The following MEPE variants were observed in gnomAD, a reference collection of about 807,000 sequenced individuals.
MEPE encodes matrix, extracellular phosphoglycoprotein with ASARM motif (bone).
A neutral mutation model predicts 7.3 loss-of-function variants in MEPE; 7 were observed. The ratio of observed to expected loss-of-function variants is 0.95; its 90% CI spans 0.54 to 1.79. The LOEUF (loss-of-function observed/expected upper bound fraction) is 1.79, where lower values mean the gene tolerates loss of function less well. MEPE is among the 40% of genes most tolerant of loss of function. The pLI is 0.00. For synonymous variants in MEPE, 214 were observed against 213.1 expected (o/e 1.00, Z -0.04); for missense variants, 623 against 628.2 (o/e 0.99, Z 0.09).
chr4:87,832,822 C>T (rs1722632343), upstream of MEPE: 1 of 152,192 alleles, frequency 6.6e-6, no homozygotes, highest in Non-Finnish European at 1.5e-5. Context: ...ACCACAAACA[C>T]ATTTTTAGAT....
At chr4:87,836,741 T>C (rs1313936691) in intron 2 of MEPE, among the ~76,000 whole-genome samples, 1 of 152,226 alleles carries the variant, frequency 6.6e-6, no homozygotes, top group African/African-American at 2.4e-5. Flanking sequence ...AAATTTATTA[T>C]TTTAACCCTG....
intron 1 of MEPE, among the ~76,000 whole-genome samples, chr4:87,833,742 G>A (rs1002829174): frequency 2.6e-5 from 4 of 151,824 alleles, no homozygotes; most frequent in African/African-American, 9.7e-5. Context: ...AGTTCCTGTT[G>A]GTATATTTAC....
chr4:87,844,945 A>G, intron 3 of MEPE, 32 bp from the exon 4 acceptor site: 1 of 1,440,276 alleles, frequency 6.9e-7, no homozygotes, highest in Non-Finnish European at 9.3e-7. Flanking sequence ...TTTACATAAA[A>G]TAATCACTTC....
rs780040273 is a variant in MEPE, at chr4:87,846,396, A to C, written c.1528A>C (p.Ser510Arg). Reference protein sequence around the residue: ...RRFSSRRRDDSSESSDSGSSS... With the variant: ...RRFSSRRRDDRSESSDSGSSS... ...GTTTAGTTCCCGTAGAAGGGATGAC[A>C]GTAGTGAGTCATCTGACAGTGGCAG... The change falls in exon 4 of 4, where the codon AGT becomes CGT. Residue 510 changes from serine to arginine, a missense_variant. Transcript: ENST00000361056. 5 of 1,614,018 alleles carry C rather than the reference A, an allele frequency of 3.1e-6. No individual in the cohort carries two copies. In the Admixed American group the frequency reaches 8.3e-5, roughly 27 times the overall value.
chr4:87,845,368 A>G lies in MEPE; in HGVS notation c.500A>G (p.Glu167Gly). The G allele has an allele frequency of 6.2e-7, 1 of 1,613,990 alleles. No homozygotes were observed. Among genetic ancestry groups the G allele is most frequent in the Non-Finnish European group, 8.5e-7 (1 of 1,179,946 alleles). ...PVTAIKLLGE[E>G]NKENTPRNVL... ...ACTGCGATTAAACTCCTGGGGGAAG[A>G]AAACAAAGAGAACACACCTAGGAAT... The change falls in exon 4 of 4, where the codon GAA (glutamate) becomes GGA (glycine). Residue 167 changes from glutamate to glycine, a missense_variant. By Grantham distance (98) the Glu-to-Gly change is moderately conservative. Transcript: ENST00000361056.
rs554874014 is a variant in MEPE, at chr4:87,824,127, C to G, written c.-13+2656C>G. Among the ~76,000 whole-genome samples the G allele has an allele frequency of 4.9e-4, 74 of 152,248 alleles. No individual in the cohort carries two copies. The South Asian group carries it at 0.015, about 31-fold the overall frequency. On this transcript the variant is annotated intron_variant, in intron 1 of 3. Coordinates refer to the MEPE transcript ENST00000424957. Reference sequence around the variant, plus strand: ...TTTTAAAATATAAATTCTGCCCTCACTATTTTAATAAGGGGTCAGCAAGCT... The same window carrying G: ...TTTTAAAATATAAATTCTGCCCTCAGTATTTTAATAAGGGGTCAGCAAGCT...
At chr4:87,827,848 C>T (rs565118468) in intron 1 of MEPE, among the ~76,000 whole-genome samples, 50 of 152,288 alleles carry the variant, frequency 3.3e-4, no homozygotes, top group African/African-American at 1.2e-3. Flanking sequence ...TGCTGTGACC[C>T]TCCATGATTC....
In MEPE at chr4:87,846,408, T is replaced by C; in HGVS notation, c.1540T>C (p.Ser514Pro). 2 of 1,613,920 alleles carry C rather than the reference T, an allele frequency of 1.2e-6. No individual in the cohort carries two copies. The highest frequency in any genetic ancestry group is 1.7e-6 in the Non-Finnish European group (2 of 1,179,878). ...TAGAAGGGATGACAGTAGTGAGTCA[T>C]CTGACAGTGGCAGTTCAAGTGAGAG... ...SRRRDDSSES[S>P]DSGSSSESDG... Residue 514 changes from serine (S) to proline (P), a missense_variant, in exon 4 of 4, where the codon TCT becomes CCT. Transcript: ENST00000361056.
At chr4:87,830,486 C>G (rs1722570690), upstream of MEPE, among the ~76,000 whole-genome samples, 1 of 152,056 alleles carries the variant, frequency 6.6e-6, no homozygotes, top group Non-Finnish European at 1.5e-5. Context: ...GAACAGAAAA[C>G]CAAATACCAC....
At chr4:87,841,440 T>TA (rs1391102719) in intron 3 of MEPE, among the ~76,000 whole-genome samples, 1 of 152,164 alleles carries the variant, frequency 6.6e-6, no homozygotes, top group Non-Finnish European at 1.5e-5. Flanking sequence ...CCACCAATAT[T>TA]AAAAAATTAA....
chr4:87,839,816 A>T, intron 3 of MEPE: 1 of 1,544,738 alleles, frequency 6.5e-7, no homozygotes, highest in Non-Finnish European at 8.8e-7. Context: ...CAGCATGACT[A>T]AACTCTGGAC....
At chr4:87,822,565 T>C (rs1297057445) in intron 1 of MEPE, among the ~76,000 whole-genome samples, 1 of 152,158 alleles carries the variant, frequency 6.6e-6, no homozygotes, top group Admixed American at 6.5e-5. Flanking sequence ...AAGCATCACC[T>C]GTATGGTGTC....
At chr4:87,837,887 C>G (rs1722861028) in intron 2 of MEPE, 1 of 152,190 alleles carries the variant, frequency 6.6e-6, no homozygotes, top group African/African-American at 2.4e-5. Context: ...ATGCAAACTT[C>G]AGCCCAAAGG....
intron 1 of MEPE, 132 bp from the exon 2 acceptor site, chr4:87,834,571 C>A: frequency 1.6e-6 from 1 of 639,742 alleles, no homozygotes; most frequent in Non-Finnish European, 2.7e-6. Context: ...AGTCTATACA[C>A]ACACATACAC....
At chr4:87,829,850 T>C (rs1449718075), upstream of MEPE, among the ~76,000 whole-genome samples, 1 of 147,714 alleles carries the variant, frequency 6.8e-6, no homozygotes. Flanking sequence ...AGCTCCTTTC[T>C]ATATCACCCA....
upstream of MEPE, among the ~76,000 whole-genome samples, chr4:87,831,814 G>C (rs1461342858): frequency 6.6e-6 from 1 of 152,058 alleles, no homozygotes; most frequent in Non-Finnish European, 1.5e-5. Flanking sequence ...AAGTCACAAG[G>C]CTTTTATTTC....
upstream of MEPE, among the ~76,000 whole-genome samples, chr4:87,828,381 A>C (rs990484981): frequency 6.6e-6 from 1 of 152,148 alleles, no homozygotes; most frequent in Non-Finnish European, 1.5e-5. Flanking sequence ...ACATATGGAA[A>C]AGTGTATTGT....
At position 87,845,898 on chromosome 4, in the gene MEPE, A is replaced by G. The variant is rs921074972; in HGVS notation, c.1030A>G (p.Ser344Gly). 1 of 1,614,046 alleles carries G rather than the reference A, an allele frequency of 6.2e-7. No individual in the cohort carries two copies. Among genetic ancestry groups the G allele is most frequent in the Non-Finnish European group, 8.5e-7 (1 of 1,179,970 alleles). Residue 344 changes from serine (S) to glycine (G), a missense_variant, in exon 4 of 4, where the codon AGT becomes GGT. Transcript: ENST00000361056. ...AGAGGGCAGCAACGATATCATGGGTAGTACCAATTTTAAGGAGCTCCCTGG... is the reference window on the plus strand; with the variant it reads ...AGAGGGCAGCAACGATATCATGGGTGGTACCAATTTTAAGGAGCTCCCTGG... ...LVEGSNDIMG[S>G]TNFKELPGRE...
chr4:87,821,565 A>T (rs1325688952), intron 1 of MEPE: 1 of 152,234 alleles, frequency 6.6e-6, no homozygotes, highest in East Asian at 1.9e-4. Flanking sequence ...ATGCCTTTTA[A>T]GAGAGTTTTG....
Sources: gnomAD v4.1 joint callset for allele counts (sites outside exome capture counted in the v4.1 genomes callset) on GRCh38, gnomAD v4.1.1 for gene constraint, MANE v1.5 for transcripts, NCBI Gene and HGNC (gene_info 2026-07-23, HGNC 2026-07-21) for gene names.